SLC38A9: variants seen among roughly 807,000 people sequenced by gnomAD.
SLC38A9 encodes solute carrier family 38 member 9.
SLC38A9 carries 48 observed loss-of-function variants against 62.3 expected under a neutral mutation model. The observed-to-expected ratio is 0.77, with a 90% CI of 0.61 to 0.98. SLC38A9 has a LOEUF of 0.98. Among genes scored for constraint, SLC38A9 ranks in the 50% least tolerant of loss-of-function variants. SLC38A9 has a pLI of 0.00. For synonymous variants in SLC38A9, 204 were observed against 227.7 expected (o/e 0.90, Z 0.94); for missense variants, 541 against 679.8 (o/e 0.80, Z 2.27).
chr5:55,643,614 G>C (rs918660212), intron 12 of SLC38A9, among the ~76,000 whole-genome samples: 1 of 152,146 alleles, frequency 6.6e-6, no homozygotes, highest in Non-Finnish European at 1.5e-5. Context: ...TCAATTACTT[G>C]AAGGAGGGTG....
intron 12 of SLC38A9, among the ~76,000 whole-genome samples, chr5:55,642,923 G>A (rs1745668528): frequency 1.3e-5 from 2 of 152,208 alleles, no homozygotes; most frequent in Non-Finnish European, 2.9e-5. Context: ...CCTTCTTAAT[G>A]ACTGCCAAAC....
chr5:55,627,081 T>G (rs539487923), intron 15 of SLC38A9, among the ~76,000 whole-genome samples: 6 of 152,300 alleles, frequency 3.9e-5, no homozygotes, highest in South Asian at 2.1e-4. Flanking sequence ...GCATTCAGCA[T>G]GATTACGAAA....
At chr5:55,643,972 AT>A (rs1325160120) in intron 12 of SLC38A9, among the ~76,000 whole-genome samples, 1 of 144,288 alleles carries the variant, frequency 6.9e-6, no homozygotes, top group Non-Finnish European at 1.6e-5. Flanking sequence ...TTATTTATTT[AT>A]TTTTTGAGAT....
intron 3 of SLC38A9, among the ~76,000 whole-genome samples, chr5:55,682,346 G>A (rs1753144384): frequency 6.6e-6 from 1 of 152,114 alleles, no homozygotes. Context: ...AAGGCACCTG[G>A]TCATCAATAT....
chr5:55,670,579 T>C (rs1366597346), intron 4 of SLC38A9, among the ~76,000 whole-genome samples: 3 of 152,216 alleles, frequency 2.0e-5, no homozygotes, highest in Non-Finnish European at 4.4e-5. Context: ...GTTATATCAT[T>C]GTCAATTTTA....
chr5:55,704,446 G>A (rs963574082), intron 2 of SLC38A9: 2 of 152,128 alleles, frequency 1.3e-5, no homozygotes, highest in Admixed American at 6.5e-5. Context: ...TGAAACACAT[G>A]AAAATTTTAA....
At chr5:55,687,732 A>G (rs993668674) in intron 3 of SLC38A9, among the ~76,000 whole-genome samples, 2 of 151,952 alleles carry the variant, frequency 1.3e-5, no homozygotes, top group Non-Finnish European at 2.9e-5. Context: ...ACAGAGTCTC[A>G]CTGTCGCCCA....
At chr5:55,645,930 G>T in intron 11 of SLC38A9, 35 bp from the exon 12 acceptor site, 1 of 1,411,586 alleles carries the variant, frequency 7.1e-7, no homozygotes, top group Non-Finnish European at 9.8e-7. Flanking sequence ...CATTAAAACT[G>T]ACAATTAGAA....
chr5:55,631,150 A>G (rs1453821341), intron 14 of SLC38A9, among the ~76,000 whole-genome samples: 1 of 152,152 alleles, frequency 6.6e-6, no homozygotes, highest in Non-Finnish European at 1.5e-5. Context: ...ACGAAAAACA[A>G]AAAACCTAAA....
chr5:55,678,645 C>CTTTTTTT (rs869297949), intron 3 of SLC38A9, among the ~76,000 whole-genome samples: 1 of 45,800 alleles, frequency 2.2e-5, no homozygotes, highest in Non-Finnish European at 4.3e-5. Flanking sequence ...CTGAAATGAA[C>CTTTTTTT]TTTTTTTTTT....
intron 9 of SLC38A9, among the ~76,000 whole-genome samples, chr5:55,655,133 C>T (rs1748176438): frequency 6.6e-6 from 1 of 152,178 alleles, no homozygotes; most frequent in Non-Finnish European, 1.5e-5. Flanking sequence ...AGCCACCATG[C>T]TCAGCAGCTA....
At chr5:55,683,040 G>A (rs1753253555) in intron 3 of SLC38A9, among the ~76,000 whole-genome samples, 2 of 151,802 alleles carry the variant, frequency 1.3e-5, no homozygotes, top group East Asian at 1.9e-4. Flanking sequence ...AAGAAGAGAG[G>A]GAAGGAGGCA....
rs566191787 is a variant in SLC38A9 at position 55,629,840 on chromosome 5, A to G, written c.1431-1860T>C. Among the ~76,000 whole-genome samples, 199 of 152,330 alleles carry G rather than the reference A, an allele frequency of 1.3e-3. 1 individual carries two copies. The highest frequency in any genetic ancestry group is 0.01 in the Middle Eastern group (3 of 294). ...CTACCCTGAGCTTGACAGTTTCCCA[A>G]TGTTTAAAGGCTCTTGTGATGAAAT... On this transcript the variant is annotated intron_variant, in intron 14 of 15. Coordinates refer to ENST00000396865, the MANE Select transcript of SLC38A9 (RefSeq NM_173514.4).
At chr5:55,679,010 A>G (rs1285416189) in intron 3 of SLC38A9, among the ~76,000 whole-genome samples, 2 of 152,162 alleles carry the variant, frequency 1.3e-5, no homozygotes, top group Admixed American at 6.5e-5. Context: ...ACTATTAAAT[A>G]ATAAAGACTA....
chr5:55,633,950 C>T (rs774047820), intron 13 of SLC38A9, 48 bp from the exon 14 acceptor site: 3 of 1,405,942 alleles, frequency 2.1e-6, no homozygotes, highest in Admixed American at 3.8e-5. Context: ...AAATTCAGTA[C>T]ACACATTCAT....
At chr5:55,645,451 A>G (rs181647696) in intron 12 of SLC38A9, among the ~76,000 whole-genome samples, 2 of 152,312 alleles carry the variant, frequency 1.3e-5, no homozygotes, top group East Asian at 1.9e-4. Flanking sequence ...ACTATGACTC[A>G]TGGGCCAAAT....
intron 7 of SLC38A9, among the ~76,000 whole-genome samples, chr5:55,665,420 G>A (rs576876482): frequency 1.3e-5 from 2 of 151,594 alleles, no homozygotes; most frequent in Admixed American, 1.3e-4. Context: ...ATAGTGGCGC[G>A]CCTGTAGTCC....
At chr5:55,708,882 G>A (rs565679559) in intron 2 of SLC38A9, among the ~76,000 whole-genome samples, 19 of 152,270 alleles carry the variant, frequency 1.2e-4, no homozygotes, top group Admixed American at 3.9e-4. Context: ...AAATATATCT[G>A]TCAGCAGGCC....
intron 3 of SLC38A9, among the ~76,000 whole-genome samples, chr5:55,690,502 C>T (rs1220078818): frequency 6.6e-6 from 1 of 152,164 alleles, no homozygotes; most frequent in Admixed American, 6.5e-5. Flanking sequence ...TCCGCACTAG[C>T]CACTGATTAA....
Sources: gnomAD v4.1 joint callset for allele counts (sites outside exome capture counted in the v4.1 genomes callset) on GRCh38, gnomAD v4.1.1 for gene constraint, MANE v1.5 for transcripts, NCBI Gene and HGNC (gene_info 2026-07-23, HGNC 2026-07-21) for gene names.